TRDN: variants seen among roughly 807,000 people sequenced by gnomAD.
The protein encoded by TRDN is triadin in skeletal muscle.
A neutral mutation model predicts 149.7 loss-of-function variants in TRDN; 161 were observed. The observed-to-expected ratio is 1.08, with a 90% CI of 0.95 to 1.23. The LOEUF is 1.23. Among genes scored for constraint, TRDN ranks in the 50% most tolerant of loss-of-function variants. TRDN has a pLI of 0.00. For missense variants in TRDN, 896 were observed against 823.5 expected (o/e 1.09, Z -1.08); for synonymous variants, 294 against 250.5 (o/e 1.17, Z -1.64).
chr6:123,333,990 G>C (rs1313979776), intron 22 of TRDN, among the ~76,000 whole-genome samples: 3 of 151,950 alleles, frequency 2.0e-5, no homozygotes, highest in Non-Finnish European at 4.4e-5. Context: ...TTCCCTAAGG[G>C]ATAGGAAAAT....
Position 123,401,929 on chromosome 6 carries a change from G to A in TRDN, c.1052-8252C>T, listed in dbSNP as rs552943939. Among the ~76,000 whole-genome samples the A allele has an allele frequency of 8.6e-5, 13 of 150,516 alleles. No individual in the cohort carries two copies. In the East Asian group the frequency reaches 2.4e-3, roughly 27 times the overall value. Reference sequence around the variant, plus strand: ...GCCACTGCACTCCAGCCTGGGTAACGGAGCGAGACTCCAACTCAAAAAGAA... The same window carrying A: ...GCCACTGCACTCCAGCCTGGGTAACAGAGCGAGACTCCAACTCAAAAAGAA... On this transcript the variant is annotated intron_variant, in intron 12 of 40. Transcript: ENST00000334268.
chr6:123,440,905 C>T lies in TRDN; in HGVS notation c.932-1902G>A, dbSNP rs1440115503. ...GTGATACAGTATTCTTGTCTTCGTC[C>T]AAATTGAATTAATGCTCCTATTATA... is the stretch of plus-strand genomic sequence containing the variant. On this transcript the variant is annotated intron_variant, in intron 10 of 40. Transcript: ENST00000334268. The T allele has an allele frequency of 2.0e-5, 3 of 152,024 alleles. 1 individual carries two copies. Among genetic ancestry groups the T allele is most frequent in the Non-Finnish European group, 4.4e-5 (3 of 67,996 alleles). 9.4% of individuals were successfully genotyped at this position (152,024 alleles called of 1,614,324 possible). A position where few individuals can be genotyped will look rare whatever the true frequency, so the allele number is the denominator to read the frequency against.
rs758349373 is a variant in TRDN at position 123,316,464 on chromosome 6, G to A, written c.1503C>T (p.Ser501=). ...EPETKKDEKM[S]KAGKEVKPKP... is the part of the protein sequence containing the mutation. ...CTTACAAAATATCCTTACCTGCTTT[G>A]GACATCTTTTCATCTTTTTTAGTTT... The change falls in exon 24 of 41, where the codon TCC becomes TCT. Residue 501 remains serine (S), a synonymous_variant. Coordinates refer to ENST00000334268, the MANE Select transcript of TRDN (RefSeq NM_006073.4). The A allele has an allele frequency of 2.7e-5, 43 of 1,609,642 alleles. No homozygotes were observed. The South Asian group carries it at 4.4e-4, about 16-fold the overall frequency.
chr6:123,222,027 T>C (rs1208569334), intron 39 of TRDN, among the ~76,000 whole-genome samples: 1 of 151,788 alleles, frequency 6.6e-6, no homozygotes, highest in African/African-American at 2.4e-5. Context: ...TGACTATTTA[T>C]TTATTTTTGC....
chr6:123,508,943 A>G (rs1389831060), intron 7 of TRDN, among the ~76,000 whole-genome samples: 14 of 152,284 alleles, frequency 9.2e-5, no homozygotes, highest in Non-Finnish European at 5.9e-5. Flanking sequence ...TATTACATAA[A>G]GAACACTTTC....
At position 123,584,508 on chromosome 6, in the gene TRDN, T is replaced by C. The variant is rs373503447; in HGVS notation, c.23-13376A>G. On this transcript the variant is annotated intron_variant, in intron 1 of 40. Coordinates refer to ENST00000334268, the MANE Select transcript of TRDN (RefSeq NM_006073.4). ...TAACCATGCCTAGGAAGGAAAGGAG[T>C]TGTTGTTTTGTAAGGGATTGAGGTT... is the stretch of plus-strand genomic sequence containing the variant. Among the ~76,000 whole-genome samples, 103 of 151,522 alleles carry C rather than the reference T, an allele frequency of 6.8e-4. 2 individuals carry two copies. In the South Asian group the frequency reaches 0.021, roughly 31 times the overall value.
At chr6:123,524,703 A>C (rs970834076) in intron 5 of TRDN, among the ~76,000 whole-genome samples, 2 of 152,174 alleles carry the variant, frequency 1.3e-5, no homozygotes. Context: ...AAGCAAAAAT[A>C]GTAGTTATTC....
At chr6:123,391,811 T>C (rs1772484069) in intron 13 of TRDN, among the ~76,000 whole-genome samples, 1 of 152,112 alleles carries the variant, frequency 6.6e-6, no homozygotes, top group African/African-American at 2.4e-5. Context: ...ATGATCAATT[T>C]TGTCACTTTA....
intron 16 of TRDN, among the ~76,000 whole-genome samples, chr6:123,380,144 C>T (rs934969045): frequency 6.6e-6 from 1 of 152,130 alleles, no homozygotes; most frequent in Non-Finnish European, 1.5e-5. Flanking sequence ...CTCCTTATTG[C>T]TGCCCGAGTC....
At chr6:123,556,704 C>G (rs1781682960) in intron 2 of TRDN, among the ~76,000 whole-genome samples, 1 of 150,482 alleles carries the variant, frequency 6.6e-6, no homozygotes, top group African/African-American at 2.5e-5. Context: ...CTCACTCACT[C>G]TCTCTCCTTA....
intron 2 of TRDN, among the ~76,000 whole-genome samples, chr6:123,568,958 C>T (rs1476716534): frequency 6.6e-6 from 1 of 152,182 alleles, no homozygotes; most frequent in African/African-American, 2.4e-5. Context: ...CTGTTTCTTT[C>T]TTTGTCACAT....
chr6:123,240,752 C>G (rs193250678), intron 38 of TRDN, among the ~76,000 whole-genome samples: 85 of 151,870 alleles, frequency 5.6e-4, no homozygotes, highest in African/African-American at 1.9e-3. Flanking sequence ...TTGTGCAGTG[C>G]TAGATATGGG....
chr6:123,425,209 A>C (rs1257209217), intron 12 of TRDN, among the ~76,000 whole-genome samples: 1 of 150,144 alleles, frequency 6.7e-6, no homozygotes, highest in Non-Finnish European at 1.5e-5. Context: ...AATACTGAGC[A>C]TAGAGCCACA....
At chr6:123,569,706 G>A (rs535072349) in intron 2 of TRDN, among the ~76,000 whole-genome samples, 14 of 152,216 alleles carry the variant, frequency 9.2e-5, no homozygotes, top group Admixed American at 4.6e-4. Context: ...CCAGAGAAGA[G>A]GGAGAGAGTG....
At chr6:123,497,440 G>A (rs1182982406) in intron 8 of TRDN, among the ~76,000 whole-genome samples, 188 bp from the exon 9 acceptor site, 2 of 152,064 alleles carry the variant, frequency 1.3e-5, no homozygotes, top group African/African-American at 4.8e-5. Context: ...CAAATATAAT[G>A]CTTCATTTCT....
At chr6:123,317,738 T>A (rs1450328158) in intron 23 of TRDN, among the ~76,000 whole-genome samples, 1 of 152,020 alleles carries the variant, frequency 6.6e-6, no homozygotes, top group Non-Finnish European at 1.5e-5. Flanking sequence ...CTGTGTTTTG[T>A]TTATTACTCA....
chr6:123,480,399 AC>A, intron 9 of TRDN, among the ~76,000 whole-genome samples: 1 of 151,990 alleles, frequency 6.6e-6, no homozygotes, highest in Non-Finnish European at 1.5e-5. Flanking sequence ...ATAAATAATA[AC>A]TTTATTCATT....
At position 123,288,165 on chromosome 6, in the gene TRDN, G is replaced by A. The variant is rs553559284; in HGVS notation, c.1511-9083C>T. The stretch of plus-strand genomic sequence containing the variant: ...AAAAGAACAATCTCTTTAATAAACA[G>A]TGCCAGGAAAACTGGATATTCACAT... On this transcript the variant is annotated intron_variant, in intron 24 of 40. Transcript: ENST00000334268. 2.0e-5 allele frequency among the ~76,000 whole-genome samples: 3 copies of A among 152,182 alleles called. No individual in the cohort carries two copies. In the South Asian group the frequency reaches 6.2e-4, roughly 32 times the overall value.
chr6:123,322,613 TTTATTATTATTATTATTATTATTA>T (rs139658634), intron 23 of TRDN, among the ~76,000 whole-genome samples: 4 of 140,966 alleles, frequency 2.8e-5, no homozygotes, highest in African/African-American at 7.8e-5. Context: ...TTTTTTAAAA[TTTATTATTATTATTATTATTATTA>T]TTATTATTAT....
Sources: allele counts gnomAD v4.1 joint callset (sites outside exome capture counted in the v4.1 genomes callset), GRCh38; gene constraint gnomAD v4.1.1; transcripts MANE v1.5; gene names NCBI Gene and HGNC (gene_info 2026-07-23, HGNC 2026-07-21).